The following OSBPL10 variants were observed in gnomAD, a reference collection of about 807,000 sequenced individuals.
OSBPL10 encodes the protein oxysterol-binding protein-related protein 10.
Under a neutral mutation model 81.7 loss-of-function variants are expected in OSBPL10, and 49 were observed. The observed-to-expected ratio is 0.60, with a 90% CI of 0.48 to 0.76. The LOEUF (loss-of-function observed/expected upper bound fraction) is 0.76, where lower values mean the gene tolerates loss of function less well. OSBPL10 is among the 30% of genes least tolerant of loss of function. The pLI is 0.00. For missense variants in OSBPL10, 923 were observed against 987.8 expected (o/e 0.93, Z 0.88); for synonymous variants, 419 against 383.6 (o/e 1.09, Z -1.08).
chr3:31,917,202 T>TA (rs1472447409), intron 1 of OSBPL10, among the ~76,000 whole-genome samples: 1 of 152,134 alleles, frequency 6.6e-6, no homozygotes, highest in Non-Finnish European at 1.5e-5. Context: ...ACACGACAGT[T>TA]ACAGCGTTCA....
At chr3:31,783,287 A>G (rs1698752200) in intron 4 of OSBPL10, among the ~76,000 whole-genome samples, 1 of 151,928 alleles carries the variant, frequency 6.6e-6, no homozygotes. Context: ...GTTCTGATTT[A>G]TCAATGAGAG....
At chr3:31,831,606 A>T (rs1046766275) in intron 3 of OSBPL10, among the ~76,000 whole-genome samples, 1 of 152,352 alleles carries the variant, frequency 6.6e-6, no homozygotes, top group African/African-American at 2.4e-5. Context: ...CTTACAAAAA[A>T]AGAAATATAA....
intron 1 of OSBPL10, among the ~76,000 whole-genome samples, chr3:31,967,510 A>G (rs1003908616): frequency 1.3e-5 from 2 of 152,180 alleles, no homozygotes; most frequent in Non-Finnish European, 2.9e-5. Context: ...TTGCTTATAA[A>G]TGGTAATTCA....
In OSBPL10 at chr3:31,746,347, T is replaced by C. The variant is rs559502444; in HGVS notation, c.940+1563A>G. On this transcript the variant is annotated intron_variant, in intron 5 of 11. Coordinates refer to ENST00000396556, the MANE Select transcript of OSBPL10 (RefSeq NM_017784.5). ...CCGAGAGTCGCTGGGTATAATGTGG[T>C]GGCCTCAACACCACAGAAATAATGG... Among the ~76,000 whole-genome samples the C allele has an allele frequency of 1.0e-3, 153 of 152,234 alleles. 1 individual carries two copies. Among genetic ancestry groups the C allele is most frequent in the Non-Finnish European group, 1.9e-3 (126 of 68,022 alleles).
At chr3:31,918,098 AAACTAAT>A (rs745923940) in intron 1 of OSBPL10, among the ~76,000 whole-genome samples, 40 of 151,686 alleles carry the variant, frequency 2.6e-4, no homozygotes, top group Admixed American at 2.0e-4. Context: ...CTATTTTAAT[AAACTAAT>A]AATTGAAAAA....
At chr3:31,807,210 T>C (rs936878569) in intron 4 of OSBPL10, among the ~76,000 whole-genome samples, 1 of 151,574 alleles carries the variant, frequency 6.6e-6, no homozygotes, top group Non-Finnish European at 1.5e-5. Context: ...TGAAACCCTG[T>C]CTCTACTGAA....
Position 31,811,403 on chromosome 3 carries a change from G to T in OSBPL10, c.729+18637C>A, listed in dbSNP as rs191415729. ...CCGACTGTGCCCCATGTGCGGCGCAGGGAGGACGGCTTTCCCCATGAGGCC... is the reference window on the plus strand; with the variant it reads ...CCGACTGTGCCCCATGTGCGGCGCATGGAGGACGGCTTTCCCCATGAGGCC... On this transcript the variant is annotated intron_variant, in intron 4 of 11. Transcript: ENST00000396556. 4.1e-3 allele frequency among the ~76,000 whole-genome samples: 630 copies of T among 152,336 alleles called. 12 individuals carry two copies. Among genetic ancestry groups the T allele is most frequent in the South Asian group, 0.035 (171 of 4,822 alleles).
chr3:31,888,903 GAC>G (rs1305029401), intron 1 of OSBPL10, among the ~76,000 whole-genome samples: 1 of 152,110 alleles, frequency 6.6e-6, no homozygotes, highest in South Asian at 2.1e-4. Context: ...CAGCCTGGGT[GAC>G]AGAGTGAGAC....
In OSBPL10 at chr3:31,738,974, G is replaced by A. The variant is rs115319265; in HGVS notation, c.941-5563C>T. Among the ~76,000 whole-genome samples the A allele has an allele frequency of 3.1e-3, 478 of 152,118 alleles. 4 individuals are homozygous for A. The highest frequency in any genetic ancestry group is 4.8e-3 in the Non-Finnish European group (324 of 68,016). ...TTAAACACAGAGCTGAGCAGGGCTG[G>A]GACTACAGTCAGGCAAGTAAGACAT... On this transcript the variant is annotated intron_variant, in intron 5 of 11. Transcript: ENST00000396556.
chr3:32,040,661 C>A (rs1699566376), intron 2 of OSBPL10, among the ~76,000 whole-genome samples: 1 of 151,864 alleles, frequency 6.6e-6, no homozygotes, highest in South Asian at 2.1e-4. Flanking sequence ...CATAGAGAGA[C>A]CCTGTCTCTA....
chr3:31,678,107 AAGAC>A (rs1311158344), intron 8 of OSBPL10, among the ~76,000 whole-genome samples: 2 of 150,828 alleles, frequency 1.3e-5, no homozygotes, highest in Non-Finnish European at 3.0e-5. Context: ...AAAAAAAAAA[AAGAC>A]AGAGCAAAGA....
rs1470946797 is a variant in OSBPL10, at chr3:31,830,039, CCT to C, written c.728_729del (p.Glu243AspfsTer17). 6.2e-7 allele frequency: 1 copy of C among 1,611,386 alleles called. No homozygotes were observed. ...QYSGQLHEVR[E>X]MMNQVEGQQK... Reference sequence around the variant, plus strand: ...TAACCTAGTAGGAGAGCAAAGCCTACCTCTCTGACTTCGTGAAGCTGGCCGGA... The same window carrying C: ...TAACCTAGTAGGAGAGCAAAGCCTACCTCTGACTTCGTGAAGCTGGCCGGA... On this transcript the variant is annotated frameshift_variant and splice_region_variant, in exon 4 of 12. Coordinates refer to ENST00000396556, the MANE Select transcript of OSBPL10 (RefSeq NM_017784.5). LOFTEE classifies it high-confidence loss of function.
At chr3:31,744,456 T>C (rs1697456370) in intron 5 of OSBPL10, among the ~76,000 whole-genome samples, 1 of 148,502 alleles carries the variant, frequency 6.7e-6, no homozygotes, top group South Asian at 2.1e-4. Flanking sequence ...GTGAATTGCC[T>C]GAACCTGGGA....
chr3:31,726,155 G>T (rs1696801103), intron 6 of OSBPL10, among the ~76,000 whole-genome samples: 1 of 152,036 alleles, frequency 6.6e-6, no homozygotes, highest in Non-Finnish European at 1.5e-5. Context: ...CTCAGGTAAG[G>T]CACACTCCAC....
At chr3:31,772,783 T>C (rs957261435) in intron 4 of OSBPL10, among the ~76,000 whole-genome samples, 4 of 152,170 alleles carry the variant, frequency 2.6e-5, no homozygotes, top group Admixed American at 2.6e-4. Context: ...ATCAATGAAG[T>C]TATAAATACA....
Position 31,686,669 on chromosome 3 carries a change from T to G in OSBPL10, c.1246-2555A>C, listed in dbSNP as rs186479582. ...ATCAATGGAGGTTTCCTAATTTTCT[T>G]TAATCCACGACTTGAAAAAATTGAG... On this transcript the variant is annotated intron_variant, in intron 7 of 11. Coordinates refer to ENST00000396556, the MANE Select transcript of OSBPL10 (RefSeq NM_017784.5). Among the ~76,000 whole-genome samples, 14 of 152,336 alleles carry G rather than the reference T, an allele frequency of 9.2e-5. 1 individual carries two copies. Among genetic ancestry groups the G allele is most frequent in the African/African-American group, 3.4e-4 (14 of 41,580 alleles).
chr3:31,907,619 CAAAAAAAAAAAAAAAAAA>C lies in OSBPL10; in HGVS notation c.282-27807_282-27790del, dbSNP rs142840420. On this transcript the variant is annotated intron_variant, in intron 1 of 11. Transcript: ENST00000396556. The stretch of plus-strand genomic sequence containing the variant: ...TCCAGCCTGGGTGAGACCTCCATCT[CAAAAAAAAAAAAAAAAAA>C]AAAAAAAAAAAAAATTTAAGTGATC... Among the ~76,000 whole-genome samples the C allele has an allele frequency of 0.011, 693 of 63,934 alleles. 23 individuals are homozygous for C. The South Asian group carries it at 0.11, about 10-fold the overall frequency. 41.9% of individuals were successfully genotyped at this position (63,934 alleles called of 152,430 possible).
Position 31,988,848 on chromosome 3 carries a change from G to A in OSBPL10, n.298+57643C>T, listed in dbSNP as rs1025128289. On this transcript the variant is annotated intron_variant and non_coding_transcript_variant, in intron 2 of 3. Coordinates refer to the OSBPL10 transcript ENST00000479173. Reference sequence around the variant, plus strand: ...TCACCAGTCAAGCCTTGAGATGACTGCAGCCATGACCCACAGCTTGACTAC... The same window carrying A: ...TCACCAGTCAAGCCTTGAGATGACTACAGCCATGACCCACAGCTTGACTAC... 8.6e-6 allele frequency: 5 copies of A among 583,170 alleles called. No homozygotes were observed. In the Admixed American group the frequency reaches 1.5e-4, roughly 18 times the overall value. The allele number at this position is 583,170 out of a possible 1,614,324, so 36.1% of individuals were successfully genotyped here. A position where few individuals can be genotyped will look rare whatever the true frequency, so the allele number is the denominator to read the frequency against.
intron 1 of OSBPL10, among the ~76,000 whole-genome samples, chr3:31,884,027 G>A (rs1559504506): frequency 6.6e-6 from 1 of 152,118 alleles, no homozygotes; most frequent in Non-Finnish European, 1.5e-5. Flanking sequence ...CTCTCCTAGA[G>A]GCAGCTTCCC....
Sources: allele counts gnomAD v4.1 joint callset (sites outside exome capture counted in the v4.1 genomes callset), GRCh38; gene constraint gnomAD v4.1.1; transcripts MANE v1.5; gene names NCBI Gene and HGNC (gene_info 2026-07-23, HGNC 2026-07-21).